The following ZNF75D variants were observed in gnomAD, a reference collection of about 807,000 sequenced individuals.
ZNF75D encodes the protein zinc finger protein 75D.
A neutral mutation model predicts 33.3 loss-of-function variants in ZNF75D; 33 were observed. The observed-to-expected ratio is 0.99, with a 90% confidence interval of 0.75 to 1.32. ZNF75D has a LOEUF of 1.32. Among genes scored for constraint, ZNF75D ranks in the 40% most tolerant of loss-of-function variants. The pLI is 0.00. For synonymous variants in ZNF75D, 113 were observed against 130.6 expected (o/e 0.87, Z 0.92); for missense variants, 338 against 367.5 (o/e 0.92, Z 0.66).
At chrX:135,276,990 C>T (rs1252153760) in intron 1 of ZNF75D, among the ~76,000 whole-genome samples, 1 of 111,994 alleles carries the variant, frequency 8.9e-6, no homozygotes, top group African/African-American at 3.3e-5. Flanking sequence ...GATTTATAAT[C>T]CTTCAGGTAT....
chrX:135,336,256 C>T (rs972008799), intron 1 of ZNF75D, among the ~76,000 whole-genome samples: 2 of 111,839 alleles, frequency 1.8e-5, no homozygotes, highest in Non-Finnish European at 3.8e-5. Flanking sequence ...CTCTAGAGAC[C>T]AAATCTGCTG....
At chrX:135,293,141 A>G (rs1263356146) in intron 3 of ZNF75D, among the ~76,000 whole-genome samples, 1 of 111,985 alleles carries the variant, frequency 8.9e-6, no homozygotes, top group Non-Finnish European at 1.9e-5. Context: ...CCACTAAGTG[A>G]GGGCAATGGA....
At chrX:135,311,495 A>G (rs1017707300) in intron 1 of ZNF75D, among the ~76,000 whole-genome samples, 3 of 112,656 alleles carry the variant, frequency 2.7e-5, no homozygotes, top group African/African-American at 9.7e-5. Flanking sequence ...TGGCTAAATT[A>G]AGCTAATTAT....
chrX:135,329,269 C>A (rs1228933287), intron 1 of ZNF75D, among the ~76,000 whole-genome samples: 1 of 110,848 alleles, frequency 9.0e-6, no homozygotes, highest in Non-Finnish European at 1.9e-5. Flanking sequence ...ATTTTTCATG[C>A]CTTTTTAAAA....
chrX:135,342,130 CTGA>C lies in ZNF75D; in HGVS notation c.-756_-754del, dbSNP rs1377043198. On this transcript the variant is annotated 5_prime_UTR_variant, in exon 1 of 7. Transcript: ENST00000370766. Reference sequence around the variant, plus strand: ...CAAGACAACACACTAGTCTGTTACACTGATGACATGCTAATTAGACCTAGTGAA... The same window carrying C: ...CAAGACAACACACTAGTCTGTTACACTGACATGCTAATTAGACCTAGTGAA... 1 of 112,234 alleles carries C rather than the reference CTGA, an allele frequency of 8.9e-6. No individual in the cohort carries two copies. The highest frequency in any genetic ancestry group is 1.9e-5 in the Non-Finnish European group (1 of 53,258). 9.2% of individuals were successfully genotyped at this position (112,234 alleles called of 1,213,427 possible).
rs1556421907 is a variant in ZNF75D, at chrX:135,293,767, T to G, written c.374A>C (p.Glu125Ala). ...QNVKQALVLV[E>A]FLQREPDGTK... The stretch of plus-strand genomic sequence containing the variant: ...TCCATCAGGCTCCCTCTGCAAGAAT[T>G]CCACCAGGACCAGAGCCTGTTTGAC... Residue 125 changes from glutamate (E) to alanine (A), a missense_variant, in exon 3 of 7, where the codon GAA (glutamate) becomes GCA (alanine). Transcript: ENST00000370766. 2.5e-6 allele frequency: 3 copies of G among 1,190,588 alleles called. No homozygotes were observed. The Admixed American group carries it at 7.0e-5, about 28-fold the overall frequency.
At chrX:135,317,164 G>A (rs372497252) in intron 1 of ZNF75D, among the ~76,000 whole-genome samples, 1 of 111,849 alleles carries the variant, frequency 8.9e-6, no homozygotes, top group Admixed American at 9.4e-5. Flanking sequence ...TATTGGTTGA[G>A]TAGGGCACTT....
rs2084091798 is a variant in ZNF75D at position 135,294,231 on chromosome X, A to C, written c.-91T>G. The C allele has an allele frequency of 2.6e-6, 2 of 768,555 alleles. No homozygotes were observed. Among genetic ancestry groups the C allele is most frequent in the Non-Finnish European group, 3.7e-6 (2 of 534,245 alleles). The allele number at this position is 768,555 out of a possible 1,213,427, so 63.3% of individuals were successfully genotyped here. ...ATCAGGGTGCATCAGGTTGGTACCA[A>C]ATCAATGAATTGTTCTTCCCAAGAG... On this transcript the variant is annotated 5_prime_UTR_variant, in exon 3 of 7. The change creates a new upstream start codon in the 5' untranslated region. Coordinates refer to ENST00000370766, the MANE Select transcript of ZNF75D (RefSeq NM_007131.5).
At chrX:135,276,327 T>C (rs1233518518) in intron 1 of ZNF75D, among the ~76,000 whole-genome samples, 5 of 111,777 alleles carry the variant, frequency 4.5e-5, no homozygotes, top group African/African-American at 1.6e-4. Context: ...ATATACCACA[T>C]TTTCTTTATT....
chrX:135,271,624 G>A (rs1402528370), intron 1 of ZNF75D, among the ~76,000 whole-genome samples: 1 of 111,846 alleles, frequency 8.9e-6, no homozygotes, highest in Non-Finnish European at 1.9e-5. Flanking sequence ...AGACAAAATG[G>A]GAGTCACAGC....
chrX:135,315,704 AT>A (rs2084411934), intron 1 of ZNF75D, among the ~76,000 whole-genome samples: 1 of 109,376 alleles, frequency 9.1e-6, no homozygotes, highest in Non-Finnish European at 1.9e-5. Context: ...TGTCTTTACT[AT>A]TTTTGGCTTA....
At chrX:135,278,656 T>C (rs1472612509) in intron 1 of ZNF75D, among the ~76,000 whole-genome samples, 2 of 111,954 alleles carry the variant, frequency 1.8e-5, no homozygotes, top group African/African-American at 6.5e-5. Context: ...TTTTGAGATA[T>C]GTTCCATCAA....
In ZNF75D at chrX:135,310,248, C is replaced by T. The variant is rs782215102; in HGVS notation, c.-390-14209G>A. Among the ~76,000 whole-genome samples the T allele has an allele frequency of 1.8e-4, 20 of 112,071 alleles. No individual in the cohort carries two copies. In the South Asian group the frequency reaches 7.4e-3, roughly 41 times the overall value. Reference sequence around the variant, plus strand: ...TTTTGTGTCATGTCAAACAAACCTTCAGGCCACAGCCAATCAAAGATAATT... The same window carrying T: ...TTTTGTGTCATGTCAAACAAACCTTTAGGCCACAGCCAATCAAAGATAATT... On this transcript the variant is annotated intron_variant, in intron 1 of 6. Coordinates refer to ENST00000370766, the MANE Select transcript of ZNF75D (RefSeq NM_007131.5).
intron 1 of ZNF75D, among the ~76,000 whole-genome samples, chrX:135,316,482 C>A (rs1182935921): frequency 9.0e-6 from 1 of 111,398 alleles, no homozygotes; most frequent in Non-Finnish European, 1.9e-5. Flanking sequence ...TGGGGAAGAT[C>A]TTTTTGCATT....
intron 1 of ZNF75D, among the ~76,000 whole-genome samples, chrX:135,339,892 C>G (rs5975503): frequency 0.099 from 11,006 of 111,601 alleles, 951 homozygotes; most frequent in African/African-American, 0.28. Context: ...AAATTGTGCT[C>G]TGAACTTCTC....
intron 1 of ZNF75D, among the ~76,000 whole-genome samples, chrX:135,279,970 G>T (rs59412698): frequency 0.01 from 1,167 of 111,696 alleles, 17 homozygotes; most frequent in African/African-American, 0.035. Context: ...TTTATTTGAG[G>T]TGGAGAGTTC....
chrX:135,270,945 G>C (rs542669732), intron 1 of ZNF75D, among the ~76,000 whole-genome samples: 3 of 112,316 alleles, frequency 2.7e-5, no homozygotes, highest in African/African-American at 9.7e-5. Flanking sequence ...AAGGAAAAGA[G>C]AAAATCTGTG....
intron 1 of ZNF75D, among the ~76,000 whole-genome samples, chrX:135,261,705 G>A (rs1556415551): frequency 9.0e-6 from 1 of 111,583 alleles, no homozygotes; most frequent in Admixed American, 9.5e-5. Context: ...CACGTGAGAT[G>A]GGTCTGCTGA....
chrX:135,326,499 T>C (rs1485386264), intron 1 of ZNF75D, among the ~76,000 whole-genome samples: 2 of 112,102 alleles, frequency 1.8e-5, no homozygotes, highest in Non-Finnish European at 3.8e-5. Context: ...CACTCGGCTC[T>C]ACCAATCAGC....
Sources: gnomAD v4.1 joint callset for allele counts (sites outside exome capture counted in the v4.1 genomes callset) on GRCh38, gnomAD v4.1.1 for gene constraint, MANE v1.5 for transcripts, NCBI Gene and HGNC (gene_info 2026-07-23, HGNC 2026-07-21) for gene names.